Variants in PPWD1 observed in about 807,000 individuals in gnomAD.
The protein encoded by PPWD1 is peptidylprolyl isomerase domain and WD repeat-containing protein 1.
PPWD1 carries 43 observed loss-of-function variants against 68.8 expected under a neutral mutation model. The observed-to-expected ratio is 0.62, with a 90% CI of 0.49 to 0.81. The LOEUF (loss-of-function observed/expected upper bound fraction) is 0.81. Ranked by LOEUF, PPWD1 falls within the 30% of genes least tolerant of loss-of-function variation. The probability of loss-of-function intolerance (pLI) is 0.00; values close to 1 mark genes in which losing one functional copy is unlikely to be tolerated. For missense variants in PPWD1, 672 were observed against 804.8 expected (o/e 0.83, Z 2.00); for synonymous variants, 232 against 258.7 (o/e 0.90, Z 0.99).
chr5:65,563,902 T>A, intron 1 of PPWD1: 1 of 1,406,288 alleles, frequency 7.1e-7, no homozygotes, highest in Non-Finnish European at 9.7e-7. Context: ...AATGTATTAA[T>A]GTGTTGGGGC....
chr5:65,572,569 A>G (rs1000981925), intron 5 of PPWD1, among the ~76,000 whole-genome samples: 1 of 152,152 alleles, frequency 6.6e-6, no homozygotes, highest in East Asian at 1.9e-4. Flanking sequence ...AAGATCCTCA[A>G]AACTCATTCT....
intron 10 of PPWD1, 54 bp from the exon 11 acceptor site, chr5:65,587,199 A>G: frequency 6.6e-7 from 1 of 1,509,028 alleles, no homozygotes; most frequent in Non-Finnish European, 8.9e-7. Flanking sequence ...ACCAGAGGAT[A>G]TAATTTAAAG....
chr5:65,581,141 A>G (rs956454842), intron 7 of PPWD1, among the ~76,000 whole-genome samples: 4 of 152,072 alleles, frequency 2.6e-5, no homozygotes, highest in African/African-American at 9.7e-5. Flanking sequence ...ACCCCAACCA[A>G]CCTTCCATCT....
chr5:65,584,858 G>C (rs1334666749), intron 8 of PPWD1, 156 bp from the exon 9 acceptor site: 4 of 740,482 alleles, frequency 5.4e-6, no homozygotes, highest in African/African-American at 2.1e-5. Context: ...CTCCGTGCTT[G>C]TCCTGAGATT....
chr5:65,587,477 C>A lies in PPWD1; in HGVS notation c.*81C>A. 1.9e-6 allele frequency: 2 copies of A among 1,076,784 alleles called. No homozygotes were observed. Among genetic ancestry groups the A allele is most frequent in the Non-Finnish European group, 1.3e-6 (1 of 786,964 alleles). The allele number at this position is 1,076,784 out of a possible 1,614,324, so 66.7% of individuals were successfully genotyped here. A position where few individuals can be genotyped will look rare whatever the true frequency, so the allele number is the denominator to read the frequency against. On this transcript the variant is annotated 3_prime_UTR_variant, in exon 11 of 11. Transcript: ENST00000261308. ...TTTACATTAGGAAGCTTAGGACTTG[C>A]TGAATATACAGATCATGTTTCAAAG... is the stretch of plus-strand genomic sequence containing the variant.
intron 5 of PPWD1, among the ~76,000 whole-genome samples, chr5:65,575,348 T>C (rs1305660712): frequency 6.6e-6 from 1 of 152,204 alleles, no homozygotes; most frequent in Non-Finnish European, 1.5e-5. Context: ...ATAAGCAGCG[T>C]AATATGTATC....
intron 7 of PPWD1, among the ~76,000 whole-genome samples, chr5:65,582,225 T>C (rs1347803119): frequency 1.3e-5 from 2 of 152,196 alleles, no homozygotes; most frequent in East Asian, 3.9e-4. Context: ...GGAGAGAGCA[T>C]TTCTACTTAA....
rs1335445428 is a variant in PPWD1, at chr5:65,577,038, G to A, written c.1129G>A (p.Gly377Ser). 6.2e-7 allele frequency: 1 copy of A among 1,612,962 alleles called. No individual in the cohort carries two copies. Among genetic ancestry groups the A allele is most frequent in the Admixed American group, 1.7e-5 (1 of 59,900 alleles). Residue 377 changes from glycine to serine, a missense_variant, in exon 6 of 11, where the codon GGC becomes AGC. Physicochemically the swap from Gly to Ser is moderately conservative, Grantham distance 56. Transcript: ENST00000261308. ...CTTCGTGCTGTATGGAACAATGCTG[G>A]GCATTAAAGTTATAAATGTAGAGAC... ...GHFVLYGTML[G>S]IKVINVETNR...
chr5:65,570,040 T>TA, intron 4 of PPWD1, 42 bp downstream of exon 4: 1 of 1,522,008 alleles, frequency 6.6e-7, no homozygotes, highest in Non-Finnish European at 9.0e-7. Flanking sequence ...CTTATTGAAG[T>TA]AATTTGTAAA....
At chr5:65,568,433 G>A (rs930973002) in intron 2 of PPWD1, among the ~76,000 whole-genome samples, 1 of 152,110 alleles carries the variant, frequency 6.6e-6, no homozygotes, top group African/African-American at 2.4e-5. Context: ...AGCATATTAG[G>A]CTGCTATTTA....
At position 65,581,031 on chromosome 5, in the gene PPWD1, C is replaced by T. The variant is rs958239745; in HGVS notation, c.1350+1418C>T. On this transcript the variant is annotated intron_variant, in intron 7 of 10. Transcript: ENST00000261308. ...CCAGAAAGTTAGGAAATGACTACAG[C>T]ATTACAGTATATTCATTCATTCCTC... 5.3e-5 allele frequency among the ~76,000 whole-genome samples: 8 copies of T among 152,242 alleles called. No homozygotes were observed. The East Asian group carries it at 1.5e-3, about 29-fold the overall frequency.
chr5:65,579,834 G>A (rs1199786564), intron 7 of PPWD1, among the ~76,000 whole-genome samples: 8 of 152,076 alleles, frequency 5.3e-5, no homozygotes, highest in Non-Finnish European at 1.0e-4. Flanking sequence ...TTTCAACCTC[G>A]TTTCCACAAC....
intron 6 of PPWD1, among the ~76,000 whole-genome samples, chr5:65,578,745 TAC>T (rs1753434035): frequency 7.0e-6 from 1 of 142,062 alleles, no homozygotes. Flanking sequence ...CATATATATA[TAC>T]ACACATATAT....
rs574745164 is a variant in PPWD1 at position 65,575,219 on chromosome 5, A to C, written c.970-1660A>C. Among the ~76,000 whole-genome samples the C allele has an allele frequency of 4.6e-5, 7 of 152,352 alleles. No individual in the cohort carries two copies. In the South Asian group the frequency reaches 1.4e-3, roughly 32 times the overall value. On this transcript the variant is annotated intron_variant, in intron 5 of 10. Coordinates refer to ENST00000261308, the MANE Select transcript of PPWD1 (RefSeq NM_015342.4). ...ATTTATGGAATACTTATATAGGGAC[A>C]GATGACCACCTACAGACCTTATGCC...
intron 7 of PPWD1, among the ~76,000 whole-genome samples, chr5:65,580,395 T>G (rs1325119726): frequency 2.0e-5 from 3 of 152,224 alleles, no homozygotes; most frequent in African/African-American, 7.2e-5. Flanking sequence ...CGAACCATAC[T>G]GAAAGTTCAC....
At chr5:65,576,711 T>C (rs1484514387) in intron 5 of PPWD1, 168 bp from the exon 6 acceptor site, 1 of 884,560 alleles carries the variant, frequency 1.1e-6, no homozygotes, top group Non-Finnish European at 1.4e-6. Context: ...CTTACTAATG[T>C]CTATTTCATA....
At chr5:65,580,209 G>C (rs1753531102) in intron 7 of PPWD1, among the ~76,000 whole-genome samples, 1 of 152,110 alleles carries the variant, frequency 6.6e-6, no homozygotes, top group Non-Finnish European at 1.5e-5. Flanking sequence ...CAAAAGTATA[G>C]AGACCTATGC....
chr5:65,565,663 C>A (rs925839169), intron 1 of PPWD1, among the ~76,000 whole-genome samples: 2 of 151,992 alleles, frequency 1.3e-5, no homozygotes, highest in African/African-American at 4.8e-5. Flanking sequence ...AAAAAATTAG[C>A]CGGGCGTGGT....
At chr5:65,570,397 T>A in intron 4 of PPWD1, 1 of 819,190 alleles carries the variant, frequency 1.2e-6, no homozygotes, top group South Asian at 5.6e-5. Flanking sequence ...TTGGTGACTT[T>A]AAACTTTGGA....
Sources: gnomAD v4.1 joint callset for allele counts (sites outside exome capture counted in the v4.1 genomes callset) on GRCh38, gnomAD v4.1.1 for gene constraint, MANE v1.5 for transcripts, NCBI Gene and HGNC (gene_info 2026-07-23, HGNC 2026-07-21) for gene names.